The following ERAP2 variants were observed in gnomAD, a reference collection of about 807,000 sequenced individuals.
The protein encoded by ERAP2 is endoplasmic reticulum aminopeptidase 2.
Under a neutral mutation model 111.1 loss-of-function variants are expected in ERAP2, and 118 were observed. That is an observed-to-expected ratio of 1.06 (90% confidence interval 0.92 to 1.24). ERAP2 has a LOEUF of 1.24. Ranked by LOEUF, ERAP2 falls within the 50% of genes most tolerant of loss-of-function variation. The probability of loss-of-function intolerance (pLI) is 0.00; values close to 1 mark genes in which losing one functional copy is unlikely to be tolerated. For synonymous variants in ERAP2, 410 were observed against 401.2 expected (o/e 1.02, Z -0.26); for missense variants, 1,131 against 1,125.8 (o/e 1.00, Z -0.07).
intron 13 of ERAP2, among the ~76,000 whole-genome samples, chr5:96,907,573 AT>A (rs11440213): frequency 2.0e-4 from 30 of 148,342 alleles, no homozygotes; most frequent in Non-Finnish European, 2.8e-4. Context: ...CATTTTGTGG[AT>A]TTTTTTTTTT....
At chr5:96,899,972 C>G in intron 9 of ERAP2, 149 bp from the exon 10 acceptor site, 1 of 902,486 alleles carries the variant, frequency 1.1e-6, no homozygotes, top group Non-Finnish European at 1.7e-6. Context: ...TGCAAACATG[C>G]CTTTTTTTCC....
In ERAP2 at chr5:96,903,554, T is replaced by A. The variant is rs17408150; in HGVS notation, c.2006T>A (p.Leu669Gln). ...GGTCTGATTCATGATGTGTTTCAGC[T>A]AGTTGGGTAAGGCAACATTTCCTCT... ...RVGLIHDVFQ[L>Q]VGAGRLTLDK... Residue 669 changes from leucine to glutamine, a missense_variant, in exon 13 of 19, where the codon CTA (leucine) becomes CAA (glutamine). By Grantham distance (113) the Leu-to-Gln change is moderately radical (BLOSUM62 -2). Around this residue, in one of 3 missense-constraint regions of ERAP2, gnomAD observed 847 missense variants for 856.5 expected, o/e 0.99. Transcript: ENST00000437043. 79,170 of 1,594,986 alleles carry A rather than the reference T, an allele frequency of 0.05. 2,284 individuals are homozygous for A. The highest frequency in any genetic ancestry group is 0.098 in the Middle Eastern group (585 of 5,984).
chr5:96,904,900 A>G (rs1337718865), intron 13 of ERAP2, among the ~76,000 whole-genome samples: 1 of 152,238 alleles, frequency 6.6e-6, no homozygotes, highest in Non-Finnish European at 1.5e-5. Flanking sequence ...GAAGTTAAGA[A>G]TACAAATTTT....
intron 5 of ERAP2, among the ~76,000 whole-genome samples, chr5:96,891,371 GTA>G (rs56369509): frequency 0.04 from 3,601 of 89,166 alleles, 65 homozygotes; most frequent in Middle Eastern, 0.19. Flanking sequence ...ATATATATGT[GTA>G]TATATATATA....
intron 10 of ERAP2, among the ~76,000 whole-genome samples, chr5:96,900,621 A>C (rs191434452): frequency 1.2e-3 from 190 of 152,278 alleles, no homozygotes; most frequent in African/African-American, 4.1e-3. Flanking sequence ...GAAGAAAGGA[A>C]AACTTTTTAT....
chr5:96,896,228 GAA>G (rs1167439127), intron 7 of ERAP2, 143 bp from the exon 8 acceptor site: 11 of 590,216 alleles, frequency 1.9e-5, no homozygotes. Context: ...GGCCAAAGGG[GAA>G]TACATACAAG....
chr5:96,909,438 G>A, intron 14 of ERAP2, 142 bp from the exon 15 acceptor site: 1 of 701,180 alleles, frequency 1.4e-6, no homozygotes, highest in Non-Finnish European at 2.4e-6. Flanking sequence ...GCCAGAAAAA[G>A]ATAAGAGAAA....
chr5:96,907,626 A>T (rs1786241491), intron 13 of ERAP2, among the ~76,000 whole-genome samples: 1 of 151,540 alleles, frequency 6.6e-6, no homozygotes, highest in Non-Finnish European at 1.5e-5. Context: ...TCATGCCTGT[A>T]ATCCCAGCAT....
chr5:96,916,253 A>C (rs1206851923), intron 18 of ERAP2, among the ~76,000 whole-genome samples: 1 of 151,346 alleles, frequency 6.6e-6, no homozygotes, highest in East Asian at 1.9e-4. Context: ...AAAACAAAAA[A>C]CAACAGCAAA....
At chr5:96,878,832 G>A (rs1036605751) in intron 1 of ERAP2, among the ~76,000 whole-genome samples, 4 of 152,126 alleles carry the variant, frequency 2.6e-5, no homozygotes, top group African/African-American at 7.2e-5. Context: ...GGAGGCTGAG[G>A]GAGAAGAATC....
At position 96,912,766 on chromosome 5, in the gene ERAP2, G is replaced by A; in HGVS notation, c.2484G>A (p.Leu828=). Residue 828 remains leucine (L), a synonymous_variant, in exon 16 of 19, where the codon TTG becomes TTA. Coordinates refer to ENST00000437043, the MANE Select transcript of ERAP2 (RefSeq NM_022350.5). ...SAEQNKILYA[L]STSKHQEKLL... ...AACAAAACAAAATTCTGTATGCTTT[G>A]TCAACGAGCAAGCATCAGGAAAAGT... 1 of 1,602,014 alleles carries A rather than the reference G, an allele frequency of 6.2e-7. No individual in the cohort carries two copies. Among genetic ancestry groups the A allele is most frequent in the Non-Finnish European group, 8.5e-7 (1 of 1,176,996 alleles).
At chr5:96,878,351 T>G (rs1211460584) in intron 1 of ERAP2, among the ~76,000 whole-genome samples, 1 of 152,142 alleles carries the variant, frequency 6.6e-6, no homozygotes, top group East Asian at 1.9e-4. Flanking sequence ...AGCCATAAAA[T>G]GAGGCCATTC....
At chr5:96,913,232 A>G in intron 16 of ERAP2, 85 bp from the exon 17 acceptor site, 2 of 1,077,616 alleles carry the variant, frequency 1.9e-6, no homozygotes, top group Non-Finnish European at 1.3e-6. Context: ...TTTCTGTTCT[A>G]TTCTTTTAAT....
intron 9 of ERAP2, among the ~76,000 whole-genome samples, chr5:96,898,008 C>T (rs545365088): frequency 6.6e-6 from 1 of 152,272 alleles, no homozygotes; most frequent in African/African-American, 2.4e-5. Flanking sequence ...ACCAGCCTGG[C>T]CAATTCGTGG....
chr5:96,910,648 A>G (rs912351337), intron 15 of ERAP2, among the ~76,000 whole-genome samples: 2 of 152,262 alleles, frequency 1.3e-5, no homozygotes, highest in African/African-American at 4.8e-5. Context: ...TACAGTAGAT[A>G]TAAGTGTTCA....
intron 13 of ERAP2, among the ~76,000 whole-genome samples, chr5:96,905,028 T>C (rs1785896699): frequency 2.0e-5 from 3 of 152,244 alleles, no homozygotes; most frequent in Admixed American, 6.5e-5. Context: ...TTTAAAACTT[T>C]ATTACTAATA....
At chr5:96,876,495 C>T (rs1387121420), upstream of ERAP2, 1 of 152,300 alleles carries the variant, frequency 6.6e-6, no homozygotes, top group East Asian at 1.9e-4. Context: ...AGTAAATTCC[C>T]CTTCAGTCAA....
At chr5:96,912,193 AAAAAAAAAAAAG>A (rs1160001652) in intron 15 of ERAP2, among the ~76,000 whole-genome samples, 1 of 150,096 alleles carries the variant, frequency 6.7e-6, no homozygotes, top group Non-Finnish European at 1.5e-5. Context: ...CACCTCAAAA[AAAAAAAAAAAAG>A]AAAAGAAAAG....
At chr5:96,913,558 C>A in intron 17 of ERAP2, 101 bp downstream of exon 17, 1 of 1,330,214 alleles carries the variant, frequency 7.5e-7, no homozygotes, top group Non-Finnish European at 1.1e-6. Flanking sequence ...ATAAATAATA[C>A]CATTTGTATC....
Sources: gnomAD v4.1 joint callset for allele counts (sites outside exome capture counted in the v4.1 genomes callset) on GRCh38, gnomAD v4.1.1 for gene constraint, gnomAD v4.1.1 regional missense constraint, MANE v1.5 for transcripts, NCBI Gene and HGNC (gene_info 2026-07-23, HGNC 2026-07-21) for gene names.